The following MAGI1 variants were observed in gnomAD, a reference collection of about 807,000 sequenced individuals.
MAGI1 encodes the protein membrane associated guanylate kinase, WW and PDZ domain containing 1.
Under a neutral mutation model 139.9 loss-of-function variants are expected in MAGI1, and 58 were observed. The ratio of observed to expected loss-of-function variants is 0.41; its 90% CI spans 0.34 to 0.52. The LOEUF (loss-of-function observed/expected upper bound fraction) is 0.52, where lower values mean the gene tolerates loss of function less well. Ranked by LOEUF, MAGI1 falls within the 20% of genes least tolerant of loss-of-function variation. The pLI, the probability that MAGI1 is intolerant of heterozygous loss-of-function variation, is 0.12. For missense variants in MAGI1, 1,874 were observed against 1,901.6 expected (o/e 0.99, Z 0.27); for synonymous variants, 812 against 737.9 (o/e 1.10, Z -1.63).
chr3:65,859,280 T>G lies in MAGI1; in HGVS notation c.313+178716A>C, dbSNP rs1426778686. Among the ~76,000 whole-genome samples the G allele has an allele frequency of 2.0e-5, 3 of 151,102 alleles. 1 individual carries two copies. The highest frequency in any genetic ancestry group is 4.4e-5 in the Non-Finnish European group (3 of 67,770). On this transcript the variant is annotated intron_variant, in intron 1 of 22. Coordinates refer to ENST00000402939, the MANE Select transcript of MAGI1 (RefSeq NM_001033057.2). ...CCCAGGAGGTACCTGGGTGACAAAG[T>G]GAGACTCCGTCTACAAAAAAAAAAG...
intron 1 of MAGI1, among the ~76,000 whole-genome samples, chr3:65,806,279 A>C (rs1044409179): frequency 6.6e-6 from 1 of 151,942 alleles, no homozygotes; most frequent in Non-Finnish European, 1.5e-5. Flanking sequence ...AAATACAAAA[A>C]TTAGCCGGGC....
intron 1 of MAGI1, among the ~76,000 whole-genome samples, chr3:65,650,283 T>A (rs1234149288): frequency 6.6e-6 from 1 of 152,166 alleles, no homozygotes; most frequent in East Asian, 1.9e-4. Context: ...TCTGTGACAT[T>A]CTGTTATATC....
At chr3:65,887,185 A>T (rs1335355878) in intron 1 of MAGI1, among the ~76,000 whole-genome samples, 1 of 152,130 alleles carries the variant, frequency 6.6e-6, no homozygotes, top group African/African-American at 2.4e-5. Flanking sequence ...GAAAAATTGA[A>T]AAAATATATC....
At chr3:65,361,060 C>T in intron 22 of MAGI1, 139 bp downstream of exon 22, 1 of 1,551,432 alleles carries the variant, frequency 6.4e-7, no homozygotes, top group East Asian at 2.3e-5. Flanking sequence ...ACAAGCGAGG[C>T]AAATAATCAC....
chr3:65,357,662 T>G (rs1940319366), intron 22 of MAGI1, among the ~76,000 whole-genome samples: 1 of 152,114 alleles, frequency 6.6e-6, no homozygotes, highest in Admixed American at 6.5e-5. Flanking sequence ...CTACATCTTA[T>G]CTGGGTGGTG....
At chr3:65,890,348 G>A (rs2108569228) in intron 1 of MAGI1, among the ~76,000 whole-genome samples, 1 of 152,328 alleles carries the variant, frequency 6.6e-6, no homozygotes, top group South Asian at 2.1e-4. Context: ...CTGGGCGACA[G>A]AGCGAGACTC....
rs562083876 is a variant in MAGI1 at position 65,596,196 on chromosome 3, T to C, written c.430+25776A>G. Among the ~76,000 whole-genome samples, 3 of 152,274 alleles carry C rather than the reference T, an allele frequency of 2.0e-5. No individual in the cohort carries two copies. In the East Asian group the frequency reaches 5.8e-4, roughly 29 times the overall value. On this transcript the variant is annotated intron_variant, in intron 2 of 22. Coordinates refer to ENST00000402939, the MANE Select transcript of MAGI1 (RefSeq NM_001033057.2). ...AGACAAGCTTTTCTCAACTAAGAAA[T>C]GCATTTATTTTCCCAGAACCCCAAA...
At chr3:65,950,059 C>CAAAAAAAAAAAAAAA (rs1264298678) in intron 1 of MAGI1, among the ~76,000 whole-genome samples, 3 of 13,450 alleles carry the variant, frequency 2.2e-4, no homozygotes, top group African/African-American at 4.3e-4. Flanking sequence ...AAAAAAAAAA[C>CAAAAAAAAAAAAAAA]AAAAAAACAA....
At chr3:65,778,452 A>G (rs2038657741) in intron 1 of MAGI1, among the ~76,000 whole-genome samples, 1 of 139,092 alleles carries the variant, frequency 7.2e-6, no homozygotes, top group Non-Finnish European at 1.6e-5. Flanking sequence ...AAATAAATAA[A>G]TAAGTCTTTT....
chr3:65,573,158 T>G (rs1319921046), intron 2 of MAGI1, among the ~76,000 whole-genome samples: 1 of 152,128 alleles, frequency 6.6e-6, no homozygotes, highest in African/African-American at 2.4e-5. Context: ...TATAAGGGGT[T>G]AATTTATTTT....
At chr3:65,613,546 T>C (rs919165180) in intron 2 of MAGI1, among the ~76,000 whole-genome samples, 4 of 152,232 alleles carry the variant, frequency 2.6e-5, no homozygotes, top group South Asian at 2.1e-4. Context: ...TCCAGTGTTA[T>C]GAGCTTTTAC....
intron 1 of MAGI1, among the ~76,000 whole-genome samples, chr3:65,730,327 T>G (rs1015425143): frequency 6.6e-6 from 1 of 152,210 alleles, no homozygotes; most frequent in African/African-American, 2.4e-5. Context: ...ATTCTCAGCA[T>G]GTGAATTTTC....
chr3:65,730,890 C>T (rs1415974804), intron 1 of MAGI1, among the ~76,000 whole-genome samples: 1 of 149,798 alleles, frequency 6.7e-6, no homozygotes, highest in South Asian at 2.1e-4. Flanking sequence ...TCTAACTCTC[C>T]CCACCCCCCC....
intron 1 of MAGI1, among the ~76,000 whole-genome samples, chr3:65,629,323 G>C (rs2084155772): frequency 6.6e-6 from 1 of 152,170 alleles, no homozygotes. Flanking sequence ...GTGCTCCACA[G>C]CTACATCCAC....
intron 2 of MAGI1, among the ~76,000 whole-genome samples, chr3:65,568,308 CT>C (rs36116885): frequency 1.3e-4 from 19 of 150,094 alleles, no homozygotes; most frequent in African/African-American, 2.4e-4. Context: ...TGACTGGACA[CT>C]TTTTTTTTTC....
chr3:65,665,580 G>C (rs1417776862), intron 1 of MAGI1, among the ~76,000 whole-genome samples: 1 of 152,192 alleles, frequency 6.6e-6, no homozygotes, highest in African/African-American at 2.4e-5. Flanking sequence ...GTATTGATCA[G>C]TTGATGAAAA....
At chr3:65,509,324 G>A (rs1002196880) in intron 2 of MAGI1, among the ~76,000 whole-genome samples, 1 of 152,218 alleles carries the variant, frequency 6.6e-6, no homozygotes, top group African/African-American at 2.4e-5. Flanking sequence ...AATAGGAACA[G>A]CTCCGGTCTA....
intron 1 of MAGI1, among the ~76,000 whole-genome samples, chr3:65,894,577 T>C (rs995630040): frequency 1.3e-5 from 2 of 152,234 alleles, no homozygotes; most frequent in Admixed American, 6.5e-5. Flanking sequence ...TCTTTGTTGT[T>C]GTAATTGAGG....
At chr3:65,451,169 A>C (rs1473218598) in intron 6 of MAGI1, among the ~76,000 whole-genome samples, 1 of 152,228 alleles carries the variant, frequency 6.6e-6, no homozygotes, top group African/African-American at 2.4e-5. Flanking sequence ...GGTAACAAAA[A>C]TGCCAATTCC....
Sources: gnomAD v4.1 joint callset for allele counts (sites outside exome capture counted in the v4.1 genomes callset) on GRCh38, gnomAD v4.1.1 for gene constraint, MANE v1.5 for transcripts, NCBI Gene and HGNC (gene_info 2026-07-23, HGNC 2026-07-21) for gene names.